EML1: variants seen among roughly 807,000 people sequenced by gnomAD.
EML1 encodes EMAP like 1, also known as echinoderm microtubule-associated protein-like 1.
In EML1, 27 loss-of-function variants were observed where a neutral mutation model predicts 110.4. That is an observed-to-expected ratio of 0.24 (90% CI 0.18 to 0.34). The LOEUF (loss-of-function observed/expected upper bound fraction) is 0.34, where lower values mean the gene tolerates loss of function less well. EML1 is among the 10% of genes least tolerant of loss of function. The pLI, the probability that EML1 is intolerant of heterozygous loss-of-function variation, is 1.00. For synonymous variants in EML1, 344 were observed against 385.8 expected, an observed-to-expected ratio of 0.89 and a Z score of 1.27; for missense variants, 741 against 1,030.9, an observed-to-expected ratio of 0.72 and a Z score of 3.85.
At chr14:99,770,377 T>TTCTTTCTATCTATCTA (rs1555388115), upstream of EML1, among the ~76,000 whole-genome samples, 154 of 150,304 alleles carry the variant, frequency 1.0e-3, no homozygotes, top group African/African-American at 3.6e-3. Flanking sequence ...AAAAATTTCT[T>TTCTTTCTATCTATCTA]TCTATCTATC....
At chr14:99,863,708 G>A (rs909720187) in intron 2 of EML1, among the ~76,000 whole-genome samples, 2 of 152,166 alleles carry the variant, frequency 1.3e-5, no homozygotes, top group African/African-American at 4.8e-5. Context: ...GTATGGATGG[G>A]TCAGTTTGTT....
At chr14:99,747,999 T>G (rs1160477002) in intron 1 of EML1, among the ~76,000 whole-genome samples, 2 of 152,172 alleles carry the variant, frequency 1.3e-5, no homozygotes, top group Non-Finnish European at 2.9e-5. Context: ...GAGGTTCCCT[T>G]AGGGCCGACA....
chr14:99,844,704 T>TGAA (rs2058681784), intron 1 of EML1, among the ~76,000 whole-genome samples: 1 of 152,236 alleles, frequency 6.6e-6, no homozygotes, highest in Admixed American at 6.5e-5. Context: ...ACCCAGCATT[T>TGAA]GGCAACCACT....
intron 1 of EML1, among the ~76,000 whole-genome samples, chr14:99,780,126 C>T (rs529753881): frequency 4.1e-4 from 63 of 152,250 alleles, no homozygotes; most frequent in Admixed American, 8.5e-4. Flanking sequence ...TCTCTCTCTC[C>T]CTTTTTATAA....
intron 4 of EML1, among the ~76,000 whole-genome samples, chr14:99,889,255 G>A (rs2059542806): frequency 6.6e-6 from 1 of 152,118 alleles, no homozygotes; most frequent in Non-Finnish European, 1.5e-5. Context: ...AGCTGTGTGT[G>A]CCCCGGGGAG....
rs951463804 is a variant in EML1, at chr14:99,939,601, C to G, written c.2322+274C>G. Among the ~76,000 whole-genome samples, 1 of 152,178 alleles carries G rather than the reference C, an allele frequency of 6.6e-6. No individual in the cohort carries two copies. Among genetic ancestry groups the G allele is most frequent in the African/African-American group, 2.4e-5 (1 of 41,456 alleles). ...TCCCCCACGGCTCCCTTGCTCCGGC[C>G]CTGCTCAGCCGCGCCAGCCCTGAGC... is the stretch of plus-strand genomic sequence containing the variant. On this transcript the variant is annotated intron_variant, in intron 21 of 21. Transcript: ENST00000262233. This position sits in a 1 kb window ranked among gnomAD's most constrained non-coding sequence, Gnocchi z 4.2.
intron 1 of EML1, among the ~76,000 whole-genome samples, chr14:99,762,204 C>T (rs1338297091): frequency 6.6e-6 from 1 of 152,104 alleles, no homozygotes; most frequent in Non-Finnish European, 1.5e-5. Flanking sequence ...ATAATAGCAC[C>T]TGTGCCACTG....
chr14:99,793,167 C>G (rs1236697565), upstream of EML1, among the ~76,000 whole-genome samples: 1 of 147,822 alleles, frequency 6.8e-6, no homozygotes, highest in African/African-American at 2.4e-5. Flanking sequence ...CCAGGCCGCC[C>G]GGGCCGCGCT....
In EML1 at chr14:99,827,940, G is replaced by C. The variant is rs571860123; in HGVS notation, c.68-22913G>C. On this transcript the variant is annotated intron_variant, in intron 1 of 21. Coordinates refer to ENST00000262233, the MANE Select transcript of EML1 (RefSeq NM_004434.3). The surrounding 1 kb of genome is among the most constrained non-coding windows in gnomAD (Gnocchi z 4.4). ...ATGGTTGGTGTATAATATGAACACTGTCTCTGCAGGATTCTTGCCTGTGAA... is the reference window on the plus strand; with the variant it reads ...ATGGTTGGTGTATAATATGAACACTCTCTCTGCAGGATTCTTGCCTGTGAA... Among the ~76,000 whole-genome samples, 8 of 152,272 alleles carry C rather than the reference G, an allele frequency of 5.3e-5. No homozygotes were observed. In the East Asian group the frequency reaches 1.4e-3, roughly 26 times the overall value.
intron 1 of EML1, among the ~76,000 whole-genome samples, chr14:99,800,710 A>G (rs2057859879): frequency 6.6e-6 from 1 of 152,236 alleles, no homozygotes; most frequent in African/African-American, 2.4e-5. Flanking sequence ...GTTTACTCTA[A>G]GGTTCTACCT....
chr14:99,812,000 G>A (rs976007956), intron 1 of EML1, among the ~76,000 whole-genome samples: 37 of 151,792 alleles, frequency 2.4e-4, no homozygotes, highest in Non-Finnish European at 5.2e-4. Flanking sequence ...TGGCACAGGT[G>A]GCAGAAAATT....
intron 7 of EML1, 37 bp from the exon 8 acceptor site, chr14:99,898,196 G>A (rs757105945): frequency 1.4e-5 from 22 of 1,528,192 alleles, no homozygotes; most frequent in Non-Finnish European, 1.9e-5. Context: ...AAACTTACCT[G>A]CAACATGTAG....
exon 1 of EML1, chr14:99,737,792 C>G: frequency 7.8e-7 from 1 of 1,289,074 alleles, no homozygotes; most frequent in Middle Eastern, 2.2e-4. Flanking sequence ...TCTGAGTGAC[C>G]CTGCAGGCTG....
intron 1 of EML1, among the ~76,000 whole-genome samples, chr14:99,814,842 GC>G (rs780903117): frequency 9.0e-4 from 137 of 152,280 alleles, no homozygotes; most frequent in South Asian, 2.5e-3. Context: ...TATTCTTACA[GC>G]GACCTCGTGC....
At chr14:99,847,771 G>GTAA (rs2058729904) in intron 1 of EML1, among the ~76,000 whole-genome samples, 1 of 151,622 alleles carries the variant, frequency 6.6e-6, no homozygotes, top group Non-Finnish European at 1.5e-5. Context: ...TTTATTTCTG[G>GTAA]TAATACATTT....
rs1458982919 is a variant in EML1, at chr14:99,936,439, G to A, written c.2095+105G>A. 62 of 1,021,340 alleles carry A rather than the reference G, an allele frequency of 6.1e-5. No individual in the cohort carries two copies. The highest frequency in any genetic ancestry group is 8.4e-5 in the Admixed American group (4 of 47,898). 63.3% of individuals were successfully genotyped at this position (1,021,340 alleles called of 1,614,324 possible). The stretch of plus-strand genomic sequence containing the variant: ...CCCACCTCCTGTATGACTTAGGCAC[G>A]TGCCATCATCTCTAGGTCATGGTTT... On this transcript the variant is annotated intron_variant, in intron 19 of 21. Coordinates refer to ENST00000262233, the MANE Select transcript of EML1 (RefSeq NM_004434.3). This position sits in a 1 kb window ranked among gnomAD's most constrained non-coding sequence, Gnocchi z 5.5.
chr14:99,804,279 G>A (rs1371589592), intron 1 of EML1, among the ~76,000 whole-genome samples: 5 of 152,188 alleles, frequency 3.3e-5, no homozygotes, highest in Admixed American at 3.3e-4. Context: ...AGAAGGTGGG[G>A]TCCATGTCTC....
At chr14:99,777,790 G>T (rs1347915984) in intron 1 of EML1, among the ~76,000 whole-genome samples, 1 of 152,034 alleles carries the variant, frequency 6.6e-6, no homozygotes, top group Non-Finnish European at 1.5e-5. Context: ...CATTTTTGTG[G>T]GGCAGTTTGT....
intron 1 of EML1, among the ~76,000 whole-genome samples, chr14:99,810,045 A>G (rs1013582143): frequency 1.3e-5 from 2 of 152,244 alleles, no homozygotes; most frequent in African/African-American, 4.8e-5. Flanking sequence ...AATGCGGCCC[A>G]GTCAGGGCAC....
Sources: gnomAD v4.1 joint callset for allele counts (sites outside exome capture counted in the v4.1 genomes callset) on GRCh38, gnomAD v4.1.1 for gene constraint, Gnocchi (gnomAD v3.1) non-coding constraint, MANE v1.5 for transcripts, NCBI Gene and HGNC (gene_info 2026-07-23, HGNC 2026-07-21) for gene names.